Variants in DLG1 observed in about 807,000 individuals in gnomAD.
The protein encoded by DLG1 is disks large homolog 1.
A neutral mutation model predicts 123.4 loss-of-function variants in DLG1; 42 were observed. The observed-to-expected ratio is 0.34, with a 90% CI of 0.27 to 0.44. The LOEUF is 0.44. DLG1 is among the 20% of genes least tolerant of loss of function. DLG1 has a pLI of 1.00. For synonymous variants in DLG1, 317 were observed against 356.2 expected (o/e 0.89, Z 1.24); for missense variants, 942 against 1,082.6 (o/e 0.87, Z 1.82).
At position 197,057,885 on chromosome 3, in the gene DLG1, T is replaced by C. The variant is rs138975002; in HGVS notation, c.2483+2004A>G. Among the ~76,000 whole-genome samples, 665 of 152,338 alleles carry C rather than the reference T, an allele frequency of 4.4e-3. 4 individuals carry two copies. Among genetic ancestry groups the C allele is most frequent in the South Asian group, 7.0e-3 (34 of 4,828 alleles). Reference sequence around the variant, plus strand: ...ATTTTATTTTCAAAGAGAACACTTTTGGCTTTGTTGATCCTCTTTATCATA... The same window carrying C: ...ATTTTATTTTCAAAGAGAACACTTTCGGCTTTGTTGATCCTCTTTATCATA... On this transcript the variant is annotated intron_variant, in intron 23 of 24. Transcript: ENST00000667157.
intron 5 of DLG1, among the ~76,000 whole-genome samples, chr3:197,185,762 T>C (rs1405261505): frequency 1.3e-5 from 2 of 152,156 alleles, no homozygotes; most frequent in Non-Finnish European, 2.9e-5. Flanking sequence ...GGTTCTGTTA[T>C]TCTGAATTAG....
At chr3:197,234,274 G>C (rs982161991) in intron 4 of DLG1, among the ~76,000 whole-genome samples, 5 of 152,206 alleles carry the variant, frequency 3.3e-5, no homozygotes, top group African/African-American at 1.2e-4. Flanking sequence ...TACAACCCCA[G>C]ATGATCCAAT....
chr3:197,264,430 T>A (rs1000885636), intron 4 of DLG1, among the ~76,000 whole-genome samples: 3 of 152,168 alleles, frequency 2.0e-5, no homozygotes, highest in African/African-American at 7.2e-5. Context: ...TTTTGTTATC[T>A]TTTGTTTTTT....
chr3:197,059,614 G>A (rs2148818804), intron 23 of DLG1, among the ~76,000 whole-genome samples: 1 of 152,348 alleles, frequency 6.6e-6, no homozygotes. Context: ...CCTGAGAGCT[G>A]TGCTGCGTAC....
At chr3:197,087,318 T>C (rs1477402438) in intron 15 of DLG1, among the ~76,000 whole-genome samples, 1 of 152,004 alleles carries the variant, frequency 6.6e-6, no homozygotes, top group East Asian at 1.9e-4. Context: ...ATTCTGTAGG[T>C]AGTTTTTTGC....
At chr3:197,204,021 TTAAA>T (rs1578035552) in intron 4 of DLG1, among the ~76,000 whole-genome samples, 1 of 152,202 alleles carries the variant, frequency 6.6e-6, no homozygotes. Flanking sequence ...TTTAACTTAC[TTAAA>T]TAGAGTACAA....
At chr3:197,122,635 T>C (rs1361652665) in intron 11 of DLG1, among the ~76,000 whole-genome samples, 2 of 152,104 alleles carry the variant, frequency 1.3e-5, no homozygotes, top group African/African-American at 2.4e-5. Context: ...ATATTTCCTA[T>C]ATATCAGTTA....
At chr3:197,232,970 A>G (rs1465818900) in intron 4 of DLG1, among the ~76,000 whole-genome samples, 1 of 152,178 alleles carries the variant, frequency 6.6e-6, no homozygotes, top group African/African-American at 2.4e-5. Flanking sequence ...CCTATTCAAA[A>G]CTGTACTGGA....
chr3:197,263,941 C>A (rs1224598070), intron 4 of DLG1, among the ~76,000 whole-genome samples: 1 of 152,120 alleles, frequency 6.6e-6, no homozygotes, highest in Non-Finnish European at 1.5e-5. Flanking sequence ...TTGAAAACAG[C>A]CTGAAACAAT....
intron 13 of DLG1, among the ~76,000 whole-genome samples, chr3:197,109,368 AAAAT>A (rs1194445596): frequency 2.0e-5 from 3 of 152,242 alleles, no homozygotes; most frequent in African/African-American, 7.2e-5. Flanking sequence ...GCTGCCTCTA[AAAAT>A]AAATAAGTAA....
rs543245456 is a variant in DLG1 at position 197,265,160 on chromosome 3, A to G, written c.318+17519T>C. 2.6e-5 allele frequency among the ~76,000 whole-genome samples: 4 copies of G among 152,320 alleles called. No individual in the cohort carries two copies. The South Asian group carries it at 8.3e-4, about 32-fold the overall frequency. On this transcript the variant is annotated intron_variant, in intron 4 of 24. Coordinates refer to ENST00000667157, the MANE Select transcript of DLG1 (RefSeq NM_001366207.1). Reference sequence around the variant, plus strand: ...TCTCTTCAGATGGTCATTTGCTGTTAAAAGTAATTTAGAAATCACCCTGTA... The same window carrying G: ...TCTCTTCAGATGGTCATTTGCTGTTGAAAGTAATTTAGAAATCACCCTGTA...
At chr3:197,154,189 C>A (rs557956965) in intron 5 of DLG1, among the ~76,000 whole-genome samples, 8 of 151,814 alleles carry the variant, frequency 5.3e-5, no homozygotes, top group African/African-American at 1.9e-4. Context: ...ATAATCCCAG[C>A]TACTTGGAAG....
chr3:197,280,079 G>GA (rs778731714), intron 4 of DLG1, among the ~76,000 whole-genome samples: 17 of 152,028 alleles, frequency 1.1e-4, no homozygotes, highest in Non-Finnish European at 4.4e-5. Flanking sequence ...CTGAACAGTA[G>GA]AATGTATTCC....
In DLG1 at chr3:197,051,833, ATTTT is replaced by A. The variant is rs35979905; in HGVS notation, c.2484-169_2484-166del. Among the ~76,000 whole-genome samples the A allele has an allele frequency of 5.8e-3, 524 of 90,250 alleles. 2 individuals are homozygous for A. The highest frequency in any genetic ancestry group is 0.019 in the African/African-American group (472 of 24,282). The allele number at this position is 90,250 out of a possible 152,430, so 59.2% of individuals were successfully genotyped here. On this transcript the variant is annotated intron_variant, in intron 23 of 24. Transcript: ENST00000667157. ...TGAGTCATTCTGGTCATTTCTGGGA[ATTTT>A]TTTTTTTTTTTTTTTTTTTTTTGAG...
chr3:197,178,475 G>A lies in DLG1; in HGVS notation c.483+15950C>T, dbSNP rs541862302. ...TATGTTACCTTTCAGATGCTTAACC[G>A]AAGTGGAGATACTGAGTAGAAAGTT... On this transcript the variant is annotated intron_variant, in intron 5 of 24. Coordinates refer to ENST00000667157, the MANE Select transcript of DLG1 (RefSeq NM_001366207.1). Among the ~76,000 whole-genome samples the A allele has an allele frequency of 2.6e-5, 4 of 152,210 alleles. No individual in the cohort carries two copies. The South Asian group carries it at 6.2e-4, about 24-fold the overall frequency.
chr3:197,292,916 A>G (rs1343658772), intron 3 of DLG1, among the ~76,000 whole-genome samples: 1 of 152,194 alleles, frequency 6.6e-6, no homozygotes, highest in Non-Finnish European at 1.5e-5. Flanking sequence ...CTGATCCCGT[A>G]AGAAATAACT....
At chr3:197,214,391 G>A (rs1256541734) in intron 4 of DLG1, among the ~76,000 whole-genome samples, 7 of 152,010 alleles carry the variant, frequency 4.6e-5, no homozygotes, top group African/African-American at 7.2e-5. Context: ...TCGCTAACAC[G>A]GTGAAACCCC....
At chr3:197,184,113 T>C in intron 5 of DLG1, 1 of 1,130,836 alleles carries the variant, frequency 8.8e-7, no homozygotes, top group Non-Finnish European at 1.1e-6. Flanking sequence ...AACCAAAAGC[T>C]GTTCTTTTGT....
chr3:197,065,904 T>G, intron 20 of DLG1, 95 bp from the exon 21 acceptor site: 1 of 763,994 alleles, frequency 1.3e-6, no homozygotes, highest in Non-Finnish European at 2.1e-6. Context: ...TTAACTGTTA[T>G]GACTAATTTT....
Sources: gnomAD v4.1 joint callset for allele counts (sites outside exome capture counted in the v4.1 genomes callset) on GRCh38, gnomAD v4.1.1 for gene constraint, MANE v1.5 for transcripts, NCBI Gene and HGNC (gene_info 2026-07-23, HGNC 2026-07-21) for gene names.